The following CFAP206 variants were observed in gnomAD, a reference collection of about 807,000 sequenced individuals.
The protein encoded by CFAP206 is cilia and flagella associated protein 206.
Under a neutral mutation model 65.4 loss-of-function variants are expected in CFAP206, and 53 were observed. The ratio of observed to expected loss-of-function variants is 0.81; its 90% CI spans 0.65 to 1.02. CFAP206 has a LOEUF of 1.02. Among genes scored for constraint, CFAP206 ranks in the 50% least tolerant of loss-of-function variants. The pLI, the probability that CFAP206 is intolerant of heterozygous loss-of-function variation, is 0.00. For synonymous variants in CFAP206, 250 were observed against 254.4 expected, an observed-to-expected ratio of 0.98 and a Z score of 0.17; for missense variants, 663 against 753.2, an observed-to-expected ratio of 0.88 and a Z score of 1.40.
intron 11 of CFAP206, chr6:87,445,128 T>G (rs760078116): frequency 1.3e-4 from 54 of 409,294 alleles, no homozygotes; most frequent in Non-Finnish European, 2.1e-4. Flanking sequence ...TTTCTTATCA[T>G]TTGCGTAATC....
At chr6:87,420,796 G>A (rs573915385) in intron 7 of CFAP206, among the ~76,000 whole-genome samples, 1 of 152,264 alleles carries the variant, frequency 6.6e-6, no homozygotes, top group Middle Eastern at 3.4e-3. Flanking sequence ...TGCTGCTCAC[G>A]TTGTTGAGAA....
chr6:87,464,452 C>A lies in CFAP206; in HGVS notation c.*202C>A. ...TGTTGAAATTGAAAAATAAAACTGT[C>A]CATTTATCTTTTATTTGTTAGAAAA... On this transcript the variant is annotated 3_prime_UTR_variant, in exon 13 of 13. Coordinates refer to ENST00000369562, the MANE Select transcript of CFAP206 (RefSeq NM_001031743.3). The A allele has an allele frequency of 2.6e-6, 1 of 390,202 alleles. No individual in the cohort carries two copies. Among genetic ancestry groups the A allele is most frequent in the Non-Finnish European group, 4.6e-6 (1 of 218,534 alleles). 24.2% of individuals were successfully genotyped at this position (390,202 alleles called of 1,614,324 possible). A position where few individuals can be genotyped will look rare whatever the true frequency, so the allele number is the denominator to read the frequency against.
At chr6:87,448,374 TA>T (rs1304740132) in intron 11 of CFAP206, among the ~76,000 whole-genome samples, 1 of 152,198 alleles carries the variant, frequency 6.6e-6, no homozygotes, top group African/African-American at 2.4e-5. Flanking sequence ...TAAAGATTTT[TA>T]TTGATACATA....
intron 7 of CFAP206, among the ~76,000 whole-genome samples, chr6:87,423,581 A>G (rs889016862): frequency 2.6e-5 from 4 of 152,196 alleles, no homozygotes; most frequent in African/African-American, 9.6e-5. Flanking sequence ...GTAGGTTTTA[A>G]TAAGTATTGC....
chr6:87,427,810 C>A (rs948209807), intron 8 of CFAP206, among the ~76,000 whole-genome samples: 2 of 151,808 alleles, frequency 1.3e-5, no homozygotes, highest in Non-Finnish European at 1.5e-5. Flanking sequence ...GGAAAACAAA[C>A]AAAAAATGGT....
At chr6:87,412,945 C>T (rs1463688266) in intron 3 of CFAP206, among the ~76,000 whole-genome samples, 1 of 152,116 alleles carries the variant, frequency 6.6e-6, no homozygotes, top group Non-Finnish European at 1.5e-5. Flanking sequence ...CGGGTGTGAG[C>T]CACTGCACCA....
At chr6:87,427,982 CTTTT>C (rs10693817) in intron 8 of CFAP206, among the ~76,000 whole-genome samples, 3 of 93,916 alleles carry the variant, frequency 3.2e-5, no homozygotes, top group South Asian at 3.4e-4. Context: ...CTCCACCCTC[CTTTT>C]TTTTTTTTTT....
intron 11 of CFAP206, among the ~76,000 whole-genome samples, chr6:87,442,860 A>G (rs1768380231): frequency 6.6e-6 from 1 of 152,166 alleles, no homozygotes; most frequent in African/African-American, 2.4e-5. Context: ...TTTAAAAAAT[A>G]CATTCTTGAA....
At chr6:87,408,113 C>T (rs1330185421) in intron 1 of CFAP206, 24 bp downstream of exon 1, 3 of 979,990 alleles carry the variant, frequency 3.1e-6, no homozygotes, top group Non-Finnish European at 3.6e-6. Context: ...GGGCTCCGCG[C>T]CCTTGACCCG....
intron 7 of CFAP206, among the ~76,000 whole-genome samples, chr6:87,421,603 T>A (rs1767942612): frequency 6.6e-6 from 1 of 151,978 alleles, no homozygotes; most frequent in Non-Finnish European, 1.5e-5. Context: ...GAAAAGGGAG[T>A]GATGATCGTA....
At chr6:87,447,139 AACAG>A (rs964065879) in intron 11 of CFAP206, among the ~76,000 whole-genome samples, 30 of 152,140 alleles carry the variant, frequency 2.0e-4, no homozygotes, top group African/African-American at 6.8e-4. Flanking sequence ...GTCATCTGGA[AACAG>A]ACAGTTTTAC....
At chr6:87,423,001 C>G (rs1767972470) in intron 7 of CFAP206, among the ~76,000 whole-genome samples, 1 of 151,890 alleles carries the variant, frequency 6.6e-6, no homozygotes, top group Admixed American at 6.6e-5. Context: ...CGGTTTACCT[C>G]TGTCTCCAGG....
intron 7 of CFAP206, among the ~76,000 whole-genome samples, chr6:87,420,854 T>G (rs1006153983): frequency 1.1e-4 from 17 of 152,268 alleles, no homozygotes; most frequent in Admixed American, 4.6e-4. Flanking sequence ...TTGTACTGAC[T>G]TTAGTCAGGA....
At chr6:87,428,108 C>T (rs1768082733) in intron 8 of CFAP206, among the ~76,000 whole-genome samples, 1 of 151,716 alleles carries the variant, frequency 6.6e-6, no homozygotes, top group African/African-American at 2.4e-5. Context: ...CTGCCTCAGC[C>T]TCCCGGGTAG....
At position 87,461,117 on chromosome 6, in the gene CFAP206, A is replaced by T; in HGVS notation, c.1590A>T (p.Arg530Ser). 6.3e-7 allele frequency: 1 copy of T among 1,588,036 alleles called. No individual in the cohort carries two copies. Among genetic ancestry groups the T allele is most frequent in the Non-Finnish European group, 8.5e-7 (1 of 1,171,230 alleles). The stretch of plus-strand genomic sequence containing the variant: ...ACATACTGCCACCAACGATTGTGAG[A>T]TCATATGAGTGGAATGAATGGGAAT... The part of the protein sequence containing the change: ...NTHILPPTIV[R>S]SYEWNEWELR... Residue 530 changes from arginine (R) to serine (S), a missense_variant, in exon 12 of 13, where the codon AGA (arginine) becomes AGT (serine). Arg to Ser is a moderately radical substitution (Grantham distance 110). Coordinates refer to ENST00000369562, the MANE Select transcript of CFAP206 (RefSeq NM_001031743.3).
intron 4 of CFAP206, 195 bp from the exon 5 acceptor site, chr6:87,415,491 A>T (rs1003512651): frequency 3.1e-6 from 2 of 653,920 alleles, no homozygotes; most frequent in Non-Finnish European, 5.6e-6. Context: ...AAGTCACTGT[A>T]ATAAATCTTC....
intron 12 of CFAP206, among the ~76,000 whole-genome samples, chr6:87,462,608 A>G (rs1425655510): frequency 6.6e-6 from 1 of 152,178 alleles, no homozygotes; most frequent in Non-Finnish European, 1.5e-5. Flanking sequence ...CATAGGTGAT[A>G]TTTTATGTTG....
At chr6:87,452,463 T>A (rs1205888559) in intron 11 of CFAP206, among the ~76,000 whole-genome samples, 1 of 152,088 alleles carries the variant, frequency 6.6e-6, no homozygotes, top group Non-Finnish European at 1.5e-5. Flanking sequence ...CAGGAAAACA[T>A]GACCTCACCA....
At chr6:87,428,963 G>T (rs1187016189) in intron 9 of CFAP206, 139 bp downstream of exon 9, 1 of 873,082 alleles carries the variant, frequency 1.1e-6, no homozygotes, top group East Asian at 2.7e-5. Flanking sequence ...AATGAGGGCC[G>T]GGTGTGGTGG....
Sources: allele counts gnomAD v4.1 joint callset (sites outside exome capture counted in the v4.1 genomes callset), GRCh38; gene constraint gnomAD v4.1.1; transcripts MANE v1.5; gene names NCBI Gene and HGNC (gene_info 2026-07-23, HGNC 2026-07-21).